The following CCSER1 variants were observed in gnomAD, a reference collection of about 807,000 sequenced individuals.
The protein encoded by CCSER1 is coiled-coil serine rich protein 1, also known as serine-rich coiled-coil domain-containing protein 1.
Under a neutral mutation model 82.0 loss-of-function variants are expected in CCSER1, and 41 were observed. The observed-to-expected ratio is 0.50, with a 90% CI of 0.39 to 0.65. CCSER1 has a LOEUF of 0.65. CCSER1 is among the 30% of genes least tolerant of loss of function. The probability of loss-of-function intolerance (pLI) is 0.00; values close to 1 mark genes in which losing one functional copy is unlikely to be tolerated. For synonymous variants in CCSER1, 414 were observed against 383.9 expected, an observed-to-expected ratio of 1.08 and a Z score of -0.92; for missense variants, 1,119 against 1,064.2, an observed-to-expected ratio of 1.05 and a Z score of -0.72.
chr4:91,443,807 C>A (rs1302615769), intron 10 of CCSER1, among the ~76,000 whole-genome samples: 1 of 149,944 alleles, frequency 6.7e-6, no homozygotes, highest in East Asian at 1.9e-4. Flanking sequence ...TTTTTATTCA[C>A]ACTTGATTAG....
At chr4:91,476,292 C>A (rs935655225) in intron 10 of CCSER1, among the ~76,000 whole-genome samples, 1 of 151,818 alleles carries the variant, frequency 6.6e-6, no homozygotes, top group Admixed American at 6.6e-5. Flanking sequence ...CACATCCTTG[C>A]AAGCATTATT....
chr4:90,171,256 T>C (rs567902443), intron 1 of CCSER1, among the ~76,000 whole-genome samples: 1 of 151,850 alleles, frequency 6.6e-6, no homozygotes, highest in African/African-American at 2.4e-5. Context: ...AAAAAATTTA[T>C]ACTAAGAGAA....
At chr4:90,805,879 C>A (rs764054563) in intron 7 of CCSER1, among the ~76,000 whole-genome samples, 3 of 152,092 alleles carry the variant, frequency 2.0e-5, no homozygotes, top group Non-Finnish European at 4.4e-5. Context: ...CCTGTTCATT[C>A]TACACATCAA....
At chr4:90,292,344 A>G (rs2153466952) in intron 1 of CCSER1, among the ~76,000 whole-genome samples, 1 of 152,100 alleles carries the variant, frequency 6.6e-6, no homozygotes, top group East Asian at 1.9e-4. Context: ...TATGTGTACT[A>G]AATTTCACAG....
intron 10 of CCSER1, among the ~76,000 whole-genome samples, chr4:91,566,952 C>T (rs1011243062): frequency 2.6e-5 from 4 of 151,904 alleles, no homozygotes; most frequent in Non-Finnish European, 5.9e-5. Flanking sequence ...TTTGTTCTTG[C>T]TTCTCTACTT....
At chr4:90,953,195 A>C (rs1406699226) in intron 9 of CCSER1, among the ~76,000 whole-genome samples, 2 of 152,016 alleles carry the variant, frequency 1.3e-5, no homozygotes, top group Non-Finnish European at 2.9e-5. Context: ...ACAAAACAAA[A>C]AGTGATTGGC....
At chr4:91,276,805 A>G (rs1018278147) in intron 10 of CCSER1, among the ~76,000 whole-genome samples, 3 of 151,966 alleles carry the variant, frequency 2.0e-5, no homozygotes, top group African/African-American at 7.2e-5. Flanking sequence ...GGCATTTGTT[A>G]TCTTAAGGTA....
rs1430904083 is a variant in CCSER1, at chr4:90,932,898, GAGAAAGAAGGAGAAAGAA to G, written c.2172+9460_2172+9477del. On this transcript the variant is annotated intron_variant, in intron 9 of 10. Transcript: ENST00000509176. ...GGAAGGAAGGAAAGAAAGAAGGAAGGAGAAAGAAGGAGAAAGAAAGAAAGAAAGAAAGAAAGAAAGAAA... is the reference window on the plus strand; with the variant it reads ...GGAAGGAAGGAAAGAAAGAAGGAAGGAGAAAGAAAGAAAGAAAGAAAGAAA... Among the ~76,000 whole-genome samples, 283 of 63,178 alleles carry G rather than the reference GAGAAAGAAGGAGAAAGAA, an allele frequency of 4.5e-3. 60 individuals carry two copies. The highest frequency in any genetic ancestry group is 0.012 in the Admixed American group (66 of 5,426). The allele number at this position is 63,178 out of a possible 152,430, so 41.4% of individuals were successfully genotyped here.
At chr4:91,144,011 C>T (rs1162878989) in intron 10 of CCSER1, among the ~76,000 whole-genome samples, 5 of 151,794 alleles carry the variant, frequency 3.3e-5, no homozygotes, top group Non-Finnish European at 5.9e-5. Flanking sequence ...GAGATAAGTC[C>T]CTCCTTTTTG....
chr4:90,257,376 A>G (rs1723513283), intron 1 of CCSER1, among the ~76,000 whole-genome samples: 2 of 152,130 alleles, frequency 1.3e-5, no homozygotes, highest in South Asian at 4.1e-4. Context: ...GGCACTTGAT[A>G]AATGTTTAAG....
chr4:90,271,198 A>G (rs1726213096), intron 1 of CCSER1, among the ~76,000 whole-genome samples: 1 of 152,160 alleles, frequency 6.6e-6, no homozygotes. Flanking sequence ...CTGAACAAAA[A>G]GAAGAAGACT....
At chr4:91,296,246 A>G (rs1220507928) in intron 10 of CCSER1, among the ~76,000 whole-genome samples, 1 of 151,530 alleles carries the variant, frequency 6.6e-6, no homozygotes, top group Admixed American at 6.6e-5. Context: ...GAGAAAGCTC[A>G]TTTTATTAGA....
chr4:90,338,882 C>A (rs1740881849), intron 3 of CCSER1, among the ~76,000 whole-genome samples: 1 of 152,050 alleles, frequency 6.6e-6, no homozygotes, highest in African/African-American at 2.4e-5. Flanking sequence ...CCATTTCATG[C>A]AATAAAATAA....
chr4:90,621,856 C>T (rs1166913950), intron 5 of CCSER1, among the ~76,000 whole-genome samples: 3 of 152,190 alleles, frequency 2.0e-5, no homozygotes, highest in Non-Finnish European at 4.4e-5. Context: ...TTGTCTGTGG[C>T]AGATCTTCTC....
At chr4:90,871,422 C>T (rs1017794195) in intron 8 of CCSER1, among the ~76,000 whole-genome samples, 37 of 151,864 alleles carry the variant, frequency 2.4e-4, no homozygotes, top group African/African-American at 8.5e-4. Context: ...TTCTCATTGA[C>T]CCAGTGGTCA....
At chr4:90,601,987 T>G (rs1404750556) in intron 5 of CCSER1, among the ~76,000 whole-genome samples, 1 of 152,122 alleles carries the variant, frequency 6.6e-6, no homozygotes, top group African/African-American at 2.4e-5. Flanking sequence ...TCTCAGTAAA[T>G]GGTCTCTGTG....
chr4:91,454,724 T>C (rs1756058180), intron 10 of CCSER1, among the ~76,000 whole-genome samples: 1 of 151,984 alleles, frequency 6.6e-6, no homozygotes, highest in Admixed American at 6.6e-5. Context: ...AACAGTTTAT[T>C]CAAGAGTCTA....
intron 6 of CCSER1, among the ~76,000 whole-genome samples, chr4:90,645,674 C>A (rs549820394): frequency 2.7e-4 from 41 of 152,204 alleles, no homozygotes; most frequent in African/African-American, 9.2e-4. Flanking sequence ...GACACATGGT[C>A]ATAAAAACAT....
chr4:90,624,708 A>G (rs1465199296), intron 5 of CCSER1, among the ~76,000 whole-genome samples: 5 of 152,208 alleles, frequency 3.3e-5, no homozygotes, highest in Non-Finnish European at 7.3e-5. Flanking sequence ...GGGATTTGCT[A>G]TTAATCTTAT....
Sources: gnomAD v4.1 joint callset for allele counts (sites outside exome capture counted in the v4.1 genomes callset) on GRCh38, gnomAD v4.1.1 for gene constraint, MANE v1.5 for transcripts, NCBI Gene and HGNC (gene_info 2026-07-23, HGNC 2026-07-21) for gene names.